The following JAKMIP1 variants were observed in gnomAD, a reference collection of about 807,000 sequenced individuals.
The protein encoded by JAKMIP1 is janus kinase and microtubule interacting protein 1, also known as janus kinase and microtubule-interacting protein 1.
A neutral mutation model predicts 113.0 loss-of-function variants in JAKMIP1; 33 were observed. That is an observed-to-expected ratio of 0.29 (90% CI 0.22 to 0.39). JAKMIP1 has a LOEUF of 0.39. Ranked by LOEUF, JAKMIP1 falls within the 10% of genes least tolerant of loss-of-function variation. JAKMIP1 has a pLI of 1.00. For synonymous variants in JAKMIP1, 480 were observed against 459.9 expected (o/e 1.04, Z -0.56); for missense variants, 813 against 1,080.5 (o/e 0.75, Z 3.47).
rs1301724803 is a variant in JAKMIP1, at chr4:6,143,002, C to T, written c.-147-30005G>A. ...ATCAATATGAAAAGAAAAACTGCCT[C>T]GATGCCTTCTGGGGGCAGCCTGGTG... On this transcript the variant is annotated intron_variant, in intron 1 of 20. Coordinates refer to ENST00000409021, the MANE Select transcript of JAKMIP1 (RefSeq NM_001099433.2). This position sits in a 1 kb window ranked among gnomAD's most constrained non-coding sequence, Gnocchi z 4.9. Among the ~76,000 whole-genome samples, 2 of 152,090 alleles carry T rather than the reference C, an allele frequency of 1.3e-5. No homozygotes were observed. The highest frequency in any genetic ancestry group is 2.4e-5 in the African/African-American group (1 of 41,410).
chr4:6,069,986 G>T lies in JAKMIP1; in HGVS notation c.1303-4978C>A. The T allele has an allele frequency of 2.5e-6, 1 of 397,932 alleles. No homozygotes were observed. Among genetic ancestry groups the T allele is most frequent in the South Asian group, 1.3e-4 (1 of 7,718 alleles). The allele number at this position is 397,932 out of a possible 1,614,324, so 24.7% of individuals were successfully genotyped here. ...CAACAGAGCCACCTGTCACAGGCAGGAGCATCGGTCGGCCACAGCCAGGGA... is the reference window on the plus strand; with the variant it reads ...CAACAGAGCCACCTGTCACAGGCAGTAGCATCGGTCGGCCACAGCCAGGGA... On this transcript the variant is annotated intron_variant, in intron 8 of 20. Coordinates refer to ENST00000409021, the MANE Select transcript of JAKMIP1 (RefSeq NM_001099433.2). The surrounding 1 kb of genome is among the most constrained non-coding windows in gnomAD (Gnocchi z 4.5).
chr4:6,056,815 A>G, intron 11 of JAKMIP1, 56 bp from the exon 12 acceptor site: 2 of 1,237,484 alleles, frequency 1.6e-6, no homozygotes, highest in Non-Finnish European at 2.4e-6. Flanking sequence ...ATGGTCAAGT[A>G]ACAAACTTTT....
At chr4:6,043,013 C>T (rs1714536833) in intron 16 of JAKMIP1, among the ~76,000 whole-genome samples, 1 of 152,012 alleles carries the variant, frequency 6.6e-6, no homozygotes, top group East Asian at 1.9e-4. Flanking sequence ...GGATGTGCCT[C>T]TACGAGGAGC....
chr4:6,177,655 AG>A (rs1725513282), intron 1 of JAKMIP1, among the ~76,000 whole-genome samples: 1 of 152,198 alleles, frequency 6.6e-6, no homozygotes, highest in Non-Finnish European at 1.5e-5. Flanking sequence ...CACCCACTGC[AG>A]GGTCTGAAGC....
rs536782723 is a variant in JAKMIP1 at position 6,137,549 on chromosome 4, C to T, written c.-147-24552G>A. On this transcript the variant is annotated intron_variant, in intron 1 of 20. Transcript: ENST00000409021. The surrounding 1 kb of genome is among the most constrained non-coding windows in gnomAD (Gnocchi z 4.5). The stretch of plus-strand genomic sequence containing the variant: ...AATCAGGAGCTGTGATTTGGTTGAA[C>T]GTTCCAGATGGCCTCACTCGAGAGA... 5.9e-5 allele frequency among the ~76,000 whole-genome samples: 9 copies of T among 152,312 alleles called. No individual in the cohort carries two copies. The South Asian group carries it at 1.2e-3, about 21-fold the overall frequency.
intron 1 of JAKMIP1, 93 bp from the exon 2 acceptor site, chr4:6,113,090 T>C (rs569439056): frequency 1.8e-6 from 1 of 553,044 alleles, no homozygotes; most frequent in East Asian, 3.3e-5. Flanking sequence ...ACCTGCCTCA[T>C]CTGGAGCATG....
At chr4:6,054,660 C>T (rs1311179971) in intron 12 of JAKMIP1, 20 of 447,044 alleles carry the variant, frequency 4.5e-5, no homozygotes, top group South Asian at 2.7e-4. Context: ...TCTCTGAGAG[C>T]GCAGATCAGT....
chr4:6,196,765 G>A (rs1287417381), intron 1 of JAKMIP1, among the ~76,000 whole-genome samples: 1 of 152,042 alleles, frequency 6.6e-6, no homozygotes, highest in Non-Finnish European at 1.5e-5. Flanking sequence ...GGAGGCTGAG[G>A]CAGGAGAATC....
rs4234721 is a variant in JAKMIP1 at position 6,158,552 on chromosome 4, G to C, written c.-148+41701C>G. The stretch of plus-strand genomic sequence containing the variant: ...TGGAACATGATTCACTGGAAAGAAA[G>C]GATGAGGTATTCCAGAGGGCCTGCG... On this transcript the variant is annotated intron_variant, in intron 1 of 20. Transcript: ENST00000409021. This position sits in a 1 kb window ranked among gnomAD's most constrained non-coding sequence, Gnocchi z 5.3. Among the ~76,000 whole-genome samples the C allele has an allele frequency of 0.17, 25,882 of 152,054 alleles. 4,290 individuals carry two copies. The highest frequency in any genetic ancestry group is 0.43 in the African/African-American group (17,625 of 41,398).
chr4:6,116,505 G>T lies in JAKMIP1; in HGVS notation c.-147-3508C>A, dbSNP rs1715805193. Among the ~76,000 whole-genome samples the T allele has an allele frequency of 6.6e-6, 1 of 152,182 alleles. No individual in the cohort carries two copies. The highest frequency in any genetic ancestry group is 2.4e-5 in the African/African-American group (1 of 41,448). Reference sequence around the variant, plus strand: ...TCCTTCCTGAAGGCACGGGGACCTTGGACCTGCTGACCCTGGACCTTGTCT... The same window carrying T: ...TCCTTCCTGAAGGCACGGGGACCTTTGACCTGCTGACCCTGGACCTTGTCT... On this transcript the variant is annotated intron_variant, in intron 1 of 20. Transcript: ENST00000409021. This position sits in a 1 kb window ranked among gnomAD's most constrained non-coding sequence, Gnocchi z 5.1.
chr4:6,068,036 C>T (rs1256841148), intron 8 of JAKMIP1, among the ~76,000 whole-genome samples: 7 of 152,232 alleles, frequency 4.6e-5, no homozygotes, highest in Admixed American at 6.5e-5. Context: ...TGACCATCCA[C>T]GTCAGCATCA....
chr4:6,095,213 G>T (rs1578215161), intron 3 of JAKMIP1, among the ~76,000 whole-genome samples: 1 of 130,816 alleles, frequency 7.6e-6, no homozygotes, highest in Non-Finnish European at 1.6e-5. Context: ...GGAAATAGAA[G>T]AAAGAAGGAA....
At chr4:6,182,423 A>AAAAAAAAG (rs1553864360) in intron 1 of JAKMIP1, among the ~76,000 whole-genome samples, 18 of 140,154 alleles carry the variant, frequency 1.3e-4, no homozygotes, top group South Asian at 4.8e-4. Context: ...AAAAAAAAAA[A>AAAAAAAAG]AAAGAAAGAA....
chr4:6,035,946 C>A lies in JAKMIP1; in HGVS notation c.2337G>T (p.Gln779His). 1 of 1,551,412 alleles carries A rather than the reference C, an allele frequency of 6.4e-7. No individual in the cohort carries two copies. The highest frequency in any genetic ancestry group is 8.7e-7 in the Non-Finnish European group (1 of 1,146,964). ...GCAGCTCCATGCGCTCCCGCAGGAT[C>A]TGGCTGTCGAACTCGCGGCTCTGCC... The part of the protein sequence containing the change: ...ILRQSREFDS[Q>H]ILRERMELLQ... Residue 779 changes from glutamine (Q) to histidine (H), a missense_variant, in exon 19 of 21, where the codon CAG becomes CAT. Physicochemically the swap from Gln to His is conservative, Grantham distance 24. Transcript: ENST00000409021.
At chr4:6,105,343 G>C in intron 3 of JAKMIP1, 130 bp downstream of exon 3, 1 of 771,126 alleles carries the variant, frequency 1.3e-6, no homozygotes, top group Non-Finnish European at 2.0e-6. Context: ...AGACGGGAGG[G>C]AGGTTGCTGG....
At chr4:6,152,622 G>A (rs1230470399) in intron 1 of JAKMIP1, among the ~76,000 whole-genome samples, 1 of 152,058 alleles carries the variant, frequency 6.6e-6, no homozygotes, top group African/African-American at 2.4e-5. Flanking sequence ...CACTCTTGCA[G>A]CAGATCTTTG....
Position 6,050,851 on chromosome 4 carries a change from T to A in JAKMIP1, c.1807-172A>T, listed in dbSNP as rs1472107410. Among the ~76,000 whole-genome samples the A allele has an allele frequency of 6.6e-6, 1 of 152,190 alleles. No individual in the cohort carries two copies. Among genetic ancestry groups the A allele is most frequent in the Non-Finnish European group, 1.5e-5 (1 of 68,042 alleles). ...CCGTGAGCTACGACGTTTTCACGCCTTCCCACGCAGCAGTTCTCCATGGAA... is the reference window on the plus strand; with the variant it reads ...CCGTGAGCTACGACGTTTTCACGCCATCCCACGCAGCAGTTCTCCATGGAA... On this transcript the variant is annotated intron_variant, in intron 13 of 20. Coordinates refer to ENST00000409021, the MANE Select transcript of JAKMIP1 (RefSeq NM_001099433.2). The surrounding 1 kb of genome is among the most constrained non-coding windows in gnomAD (Gnocchi z 7.4).
rs1722572491 is a variant in JAKMIP1 at position 6,094,735 on chromosome 4, T to A, written c.625-9106A>T. On this transcript the variant is annotated intron_variant, in intron 3 of 20. Coordinates refer to ENST00000409021, the MANE Select transcript of JAKMIP1 (RefSeq NM_001099433.2). This position sits in a 1 kb window ranked among gnomAD's most constrained non-coding sequence, Gnocchi z 4.2. ...ACAGCCAGACGCAGTGGCTCACGCC[T>A]ATAATCCCAGCACTTTGGGAGGCAG... Among the ~76,000 whole-genome samples the A allele has an allele frequency of 6.6e-6, 1 of 152,234 alleles. No homozygotes were observed. The highest frequency in any genetic ancestry group is 1.5e-5 in the Non-Finnish European group (1 of 68,038).
chr4:6,126,155 G>A, intron 1 of JAKMIP1, among the ~76,000 whole-genome samples: 1 of 128,542 alleles, frequency 7.8e-6, no homozygotes, highest in South Asian at 2.3e-4. Flanking sequence ...ACACCATGCA[G>A]AAACACACAC....
Sources: gnomAD v4.1 joint callset for allele counts (sites outside exome capture counted in the v4.1 genomes callset) on GRCh38, gnomAD v4.1.1 for gene constraint, Gnocchi (gnomAD v3.1) non-coding constraint, MANE v1.5 for transcripts, NCBI Gene and HGNC (gene_info 2026-07-23, HGNC 2026-07-21) for gene names.